Variants in XPA observed in about 807,000 individuals in gnomAD.
The protein encoded by XPA is DNA repair protein complementing XP-A cells.
In XPA, 27 loss-of-function variants were observed where a neutral mutation model predicts 35.7. The ratio of observed to expected loss-of-function variants is 0.76; its 90% CI spans 0.56 to 1.04. The LOEUF is 1.04. Ranked by LOEUF, XPA falls within the 50% of genes least tolerant of loss-of-function variation. XPA has a pLI of 0.00. For synonymous variants in XPA, 133 were observed against 118.4 expected (o/e 1.12, Z -0.80); for missense variants, 354 against 342.7 (o/e 1.03, Z -0.26).
chr9:97,690,835 T>C (rs1281759734), intron 2 of XPA, among the ~76,000 whole-genome samples: 1 of 152,230 alleles, frequency 6.6e-6, no homozygotes, highest in Non-Finnish European at 1.5e-5. Flanking sequence ...TCTTCCACTT[T>C]TAAGGAAACC....
chr9:97,661,348 G>C, the XPA span, among the ~76,000 whole-genome samples: 2 of 152,136 alleles, frequency 1.3e-5, no homozygotes, highest in Non-Finnish European at 2.9e-5. Flanking sequence ...CCATAGAGAA[G>C]TTCCTGAATA....
At chr9:97,656,090 G>A in the XPA span, 1 of 1,608,512 alleles carries the variant, frequency 6.2e-7, no homozygotes, top group Admixed American at 1.7e-5. Context: ...TATGAGGTAA[G>A]TTTTTTGTGT....
intron 5 of XPA, among the ~76,000 whole-genome samples, chr9:97,677,209 T>TAAAAA: frequency 6.6e-6 from 1 of 151,230 alleles, no homozygotes; most frequent in African/African-American, 2.4e-5. Flanking sequence ...TTCTGAATAC[T>TAAAAA]AAAAAAAAAT....
Position 97,697,153 on chromosome 9 carries a change from G to C in XPA, c.140C>G (p.Pro47Arg). The C allele has an allele frequency of 1.3e-6, 2 of 1,568,092 alleles. No individual in the cohort carries two copies. Among genetic ancestry groups the C allele is most frequent in the Middle Eastern group, 2.2e-4 (1 of 4,476 alleles). The part of the protein sequence containing the change: ...MLRQARLAAR[P>R]YSATAAAATG... ...AGCCGCAGCCGCCGTCGCCGAGTAGGGCCGGGCAGCCAGCCGGGCCTGGCG... is the reference window on the plus strand; with the variant it reads ...AGCCGCAGCCGCCGTCGCCGAGTAGCGCCGGGCAGCCAGCCGGGCCTGGCG... Residue 47 changes from proline to arginine, a missense_variant, in exon 1 of 6, where the codon CCC (proline) becomes CGC (arginine). Transcript: ENST00000375128.
chr9:97,657,928 T>A, the XPA span, among the ~76,000 whole-genome samples: 7,847 of 60,758 alleles, frequency 0.13, 206 homozygotes, highest in Admixed American at 0.19. Flanking sequence ...ATATATATAT[T>A]TTTTTTTTTT....
intron 2 of XPA, among the ~76,000 whole-genome samples, chr9:97,693,259 A>G (rs1828945374): frequency 2.0e-5 from 3 of 152,174 alleles, no homozygotes. Context: ...ATACTTTGTA[A>G]GCTGCTTTCT....
the XPA span, chr9:97,655,918 G>T: frequency 7.3e-7 from 1 of 1,369,532 alleles, no homozygotes; most frequent in Non-Finnish European, 1.0e-6. Context: ...AACAAAACTT[G>T]TAAGTTGTTA....
At chr9:97,668,814 G>C in the XPA span, 1 of 1,603,156 alleles carries the variant, frequency 6.2e-7, no homozygotes, top group South Asian at 1.1e-5. Flanking sequence ...AATCTAAATG[G>C]TATTTTCCTT....
chr9:97,654,478 GAC>G, the XPA span, among the ~76,000 whole-genome samples: 1 of 151,794 alleles, frequency 6.6e-6, no homozygotes, highest in Non-Finnish European at 1.5e-5. Flanking sequence ...ACCAGTATGT[GAC>G]ACAGAGACAA....
Position 97,693,497 on chromosome 9 carries a change from T to C in XPA, c.283+152A>G, listed in dbSNP as rs1828952728. The C allele has an allele frequency of 7.2e-6, 5 of 691,842 alleles. No individual in the cohort carries two copies. In the Admixed American group the frequency reaches 1.4e-4, roughly 19 times the overall value. The allele number at this position is 691,842 out of a possible 1,614,324, so 42.9% of individuals were successfully genotyped here. On this transcript the variant is annotated intron_variant, in intron 2 of 5. Transcript: ENST00000375128. ...TTCTTTGATTGTTTTTTTAATCTAC[T>C]AGCAAAACTGCCAAACTTTATCACT...
intron 1 of XPA, among the ~76,000 whole-genome samples, chr9:97,696,899 A>G (rs943127005): frequency 3.3e-5 from 5 of 152,196 alleles, no homozygotes; most frequent in Non-Finnish European, 7.3e-5. Flanking sequence ...GCTGGGGGTC[A>G]GGAGGCCCGC....
intron 2 of XPA, among the ~76,000 whole-genome samples, chr9:97,692,184 G>C (rs1329399982): frequency 6.6e-6 from 1 of 151,518 alleles, no homozygotes; most frequent in Non-Finnish European, 1.5e-5. Flanking sequence ...CCAGCTACTC[G>C]GGAGGCTGAG....
the XPA span, among the ~76,000 whole-genome samples, chr9:97,666,583 T>G: frequency 6.6e-6 from 1 of 152,330 alleles, no homozygotes; most frequent in Non-Finnish European, 1.5e-5. Context: ...TGAAGATAGA[T>G]ACTTGCACAA....
the XPA span, among the ~76,000 whole-genome samples, chr9:97,669,183 C>T: frequency 3.3e-5 from 5 of 151,670 alleles, no homozygotes; most frequent in East Asian, 3.9e-4. Flanking sequence ...TTAGTATTCT[C>T]GCATGAGCAT....
the XPA span, among the ~76,000 whole-genome samples, chr9:97,668,113 C>T: frequency 0.011 from 1,672 of 152,270 alleles, 20 homozygotes; most frequent in African/African-American, 0.037. Context: ...ACCAGGCTTT[C>T]TAGATTCAGT....
chr9:97,673,712 G>T (rs576306427), downstream of XPA: 1 of 152,288 alleles, frequency 6.6e-6, no homozygotes, highest in Admixed American at 6.5e-5. Context: ...CTGTTAAATT[G>T]TGCTGGTGCA....
chr9:97,671,714 T>C (rs1828199097), downstream of XPA: 1 of 152,290 alleles, frequency 6.6e-6, no homozygotes, highest in Non-Finnish European at 1.5e-5. Flanking sequence ...TTTGAAATTT[T>C]ATCTTCAAAG....
chr9:97,671,155 C>A, downstream of XPA: 1 of 1,613,764 alleles, frequency 6.2e-7, no homozygotes, highest in Non-Finnish European at 8.5e-7. Context: ...ATTAGACCCT[C>A]ATATCTTGGC....
the XPA span, chr9:97,666,875 C>T: frequency 6.9e-6 from 11 of 1,590,080 alleles, no homozygotes; most frequent in African/African-American, 5.4e-5. Flanking sequence ...GCAACACAAA[C>T]GGGTAAGTTT....
Sources: gnomAD v4.1 joint callset for allele counts (sites outside exome capture counted in the v4.1 genomes callset) on GRCh38, gnomAD v4.1.1 for gene constraint, MANE v1.5 for transcripts, NCBI Gene and HGNC (gene_info 2026-07-23, HGNC 2026-07-21) for gene names.